RSRC1: variants seen among roughly 807,000 people sequenced by gnomAD.
The protein encoded by RSRC1 is arginine and serine rich coiled-coil 1.
Under a neutral mutation model 49.1 loss-of-function variants are expected in RSRC1, and 39 were observed. That is an observed-to-expected ratio of 0.79 (90% confidence interval 0.61 to 1.04). The LOEUF (loss-of-function observed/expected upper bound fraction) is 1.04. Among genes scored for constraint, RSRC1 ranks in the 50% least tolerant of loss-of-function variants. The pLI, the probability that RSRC1 is intolerant of heterozygous loss-of-function variation, is 0.00. For missense variants in RSRC1, 388 were observed against 402.4 expected, an observed-to-expected ratio of 0.96 and a Z score of 0.31; for synonymous variants, 143 against 130.8, an observed-to-expected ratio of 1.09 and a Z score of -0.63.
intron 6 of RSRC1, among the ~76,000 whole-genome samples, chr3:158,379,695 C>T (rs768679055): frequency 6.6e-6 from 1 of 152,066 alleles, no homozygotes; most frequent in Admixed American, 6.5e-5. Flanking sequence ...TGCCTGGACA[C>T]GCTTCCCCAA....
At chr3:158,125,786 T>C (rs916102542) in intron 3 of RSRC1, among the ~76,000 whole-genome samples, 1 of 152,122 alleles carries the variant, frequency 6.6e-6, no homozygotes, top group African/African-American at 2.4e-5. Context: ...TTTCTGTCCA[T>C]TATTGAAAGT....
chr3:158,381,650 T>G (rs1316692954), intron 6 of RSRC1, among the ~76,000 whole-genome samples: 3 of 152,204 alleles, frequency 2.0e-5, no homozygotes, highest in Admixed American at 2.0e-4. Flanking sequence ...TATAGTCTGT[T>G]GCTCCTAGGC....
At chr3:158,249,364 C>CT (rs1724079523) in intron 4 of RSRC1, among the ~76,000 whole-genome samples, 1 of 152,160 alleles carries the variant, frequency 6.6e-6, no homozygotes, top group African/African-American at 2.4e-5. Flanking sequence ...AATAAAATCG[C>CT]TTACAGGATA....
At chr3:158,474,926 G>A (rs1025733464) in intron 7 of RSRC1, among the ~76,000 whole-genome samples, 14 of 151,924 alleles carry the variant, frequency 9.2e-5, no homozygotes, top group African/African-American at 2.9e-4. Flanking sequence ...GGGGAGACGG[G>A]GGTGGTTGAG....
intron 4 of RSRC1, among the ~76,000 whole-genome samples, chr3:158,295,820 T>C (rs1320162674): frequency 6.6e-6 from 1 of 152,142 alleles, no homozygotes; most frequent in Non-Finnish European, 1.5e-5. Context: ...TTTCTTGTCC[T>C]CATTCTCAAA....
intron 4 of RSRC1, among the ~76,000 whole-genome samples, chr3:158,271,705 A>G: frequency 6.6e-6 from 1 of 152,168 alleles, no homozygotes; most frequent in Non-Finnish European, 1.5e-5. Flanking sequence ...TGATAAATGC[A>G]TTATAAAGAT....
intron 4 of RSRC1, among the ~76,000 whole-genome samples, chr3:158,255,625 G>T (rs7637291): frequency 0.48 from 72,393 of 151,968 alleles, 17,805 homozygotes; most frequent in East Asian, 0.64. Flanking sequence ...GCTTGATGGG[G>T]ATGGCATTGA....
At chr3:158,422,018 G>A (rs1205730115) in intron 6 of RSRC1, among the ~76,000 whole-genome samples, 1 of 151,722 alleles carries the variant, frequency 6.6e-6, no homozygotes, top group Non-Finnish European at 1.5e-5. Flanking sequence ...ATCAGAAATT[G>A]ATTTTATTTG....
chr3:158,491,601 C>G (rs1455738850), intron 7 of RSRC1, among the ~76,000 whole-genome samples: 1 of 152,044 alleles, frequency 6.6e-6, no homozygotes, highest in Admixed American at 6.5e-5. Flanking sequence ...TAAAAGGGGA[C>G]TTTAACTGAA....
chr3:158,333,260 G>A (rs1343426054), intron 5 of RSRC1, among the ~76,000 whole-genome samples: 4 of 152,144 alleles, frequency 2.6e-5, no homozygotes, highest in African/African-American at 9.7e-5. Flanking sequence ...ACATTGTGAT[G>A]AGCAGACTTG....
At chr3:158,134,044 T>C (rs951205967) in intron 3 of RSRC1, among the ~76,000 whole-genome samples, 1 of 152,138 alleles carries the variant, frequency 6.6e-6, no homozygotes, top group African/African-American at 2.4e-5. Flanking sequence ...ATGCATGATA[T>C]TGAATATGAG....
At chr3:158,150,298 GA>G (rs1717441879) in intron 3 of RSRC1, among the ~76,000 whole-genome samples, 1 of 152,122 alleles carries the variant, frequency 6.6e-6, no homozygotes. Context: ...ACCAGTATAA[GA>G]TTATGTTTGT....
chr3:158,237,539 A>C (rs899541613), intron 4 of RSRC1, among the ~76,000 whole-genome samples: 1 of 152,166 alleles, frequency 6.6e-6, no homozygotes, highest in Non-Finnish European at 1.5e-5. Flanking sequence ...AATGGATTTG[A>C]AGTGGTATTT....
intron 5 of RSRC1, among the ~76,000 whole-genome samples, chr3:158,351,641 ATG>A (rs1730881260): frequency 6.6e-6 from 1 of 151,926 alleles, no homozygotes; most frequent in South Asian, 2.1e-4. Flanking sequence ...ATTTATATCT[ATG>A]TGAATTAATT....
chr3:158,374,384 C>T (rs980041252), intron 6 of RSRC1, among the ~76,000 whole-genome samples: 10 of 151,990 alleles, frequency 6.6e-5, no homozygotes, highest in African/African-American at 1.7e-4. Context: ...GATGAGAGGA[C>T]GGGAGAGGAA....
chr3:158,276,096 G>A (rs1261099575), intron 4 of RSRC1: 2 of 890,882 alleles, frequency 2.2e-6, no homozygotes, highest in African/African-American at 1.6e-5. Context: ...GAGCCCCACA[G>A]TGGCGTCCAG....
At chr3:158,123,253 C>T (rs1357884183) in intron 2 of RSRC1, among the ~76,000 whole-genome samples, 1 of 152,164 alleles carries the variant, frequency 6.6e-6, no homozygotes, top group Admixed American at 6.5e-5. Context: ...GTGATCTGCC[C>T]TCCTCAGCCT....
chr3:158,252,860 A>G (rs183897138), intron 4 of RSRC1, among the ~76,000 whole-genome samples: 1 of 152,114 alleles, frequency 6.6e-6, no homozygotes, highest in East Asian at 1.9e-4. Flanking sequence ...AGGTTTTCCA[A>G]TTTCTTGGCA....
intron 6 of RSRC1, among the ~76,000 whole-genome samples, chr3:158,389,907 C>T (rs1733174036): frequency 6.6e-6 from 1 of 152,146 alleles, no homozygotes; most frequent in Non-Finnish European, 1.5e-5. Flanking sequence ...TATACATTTC[C>T]AGAGTGCCCT....
Sources: gnomAD v4.1 joint callset for allele counts (sites outside exome capture counted in the v4.1 genomes callset) on GRCh38, gnomAD v4.1.1 for gene constraint, MANE v1.5 for transcripts, NCBI Gene and HGNC (gene_info 2026-07-23, HGNC 2026-07-21) for gene names.